The following IMMP2L variants were observed in gnomAD, a reference collection of about 807,000 sequenced individuals.
IMMP2L encodes the protein inner mitochondrial membrane peptidase subunit 2.
A neutral mutation model predicts 19.3 loss-of-function variants in IMMP2L; 18 were observed. The ratio of observed to expected loss-of-function variants is 0.93; its 90% CI spans 0.64 to 1.38. The LOEUF (loss-of-function observed/expected upper bound fraction) is 1.38. Ranked by LOEUF, IMMP2L falls within the 40% of genes most tolerant of loss-of-function variation. IMMP2L has a pLI of 0.00. For missense variants in IMMP2L, 233 were observed against 218.2 expected (o/e 1.07, Z -0.43); for synonymous variants, 76 against 73.0 (o/e 1.04, Z -0.21).
chr7:111,174,626 A>G (rs1045499129), intron 3 of IMMP2L, among the ~76,000 whole-genome samples: 5 of 151,776 alleles, frequency 3.3e-5, no homozygotes, highest in African/African-American at 9.7e-5. Context: ...CTATTACCGT[A>G]TGAAAAACTA....
intron 2 of IMMP2L, among the ~76,000 whole-genome samples, chr7:111,514,575 T>A (rs189411496): frequency 1.3e-5 from 2 of 152,216 alleles, no homozygotes; most frequent in East Asian, 3.9e-4. Flanking sequence ...CCAGTTTACC[T>A]CAGTAAAGCT....
intron 3 of IMMP2L, among the ~76,000 whole-genome samples, chr7:110,967,338 C>T: frequency 6.6e-6 from 1 of 151,876 alleles, no homozygotes; most frequent in East Asian, 1.9e-4. Flanking sequence ...CTCAAGAGAC[C>T]CCTCTAGTAT....
chr7:110,980,174 G>T (rs1821119738), intron 3 of IMMP2L, among the ~76,000 whole-genome samples: 1 of 147,752 alleles, frequency 6.8e-6, no homozygotes, highest in African/African-American at 2.5e-5. Flanking sequence ...ACCACTCCCT[G>T]CTTTGAACTC....
At chr7:111,162,411 C>G (rs547806604) in intron 3 of IMMP2L, among the ~76,000 whole-genome samples, 4 of 151,792 alleles carry the variant, frequency 2.6e-5, no homozygotes, top group African/African-American at 9.7e-5. Flanking sequence ...AGAAGTCTGG[C>G]AAGATTAAAA....
intron 3 of IMMP2L, among the ~76,000 whole-genome samples, chr7:111,318,231 G>A (rs994775270): frequency 1.3e-5 from 2 of 152,152 alleles, no homozygotes; most frequent in African/African-American, 4.8e-5. Flanking sequence ...ATGAAAGGGT[G>A]ATTGATTCTC....
At chr7:110,927,868 C>T (rs1469917331) in intron 4 of IMMP2L, among the ~76,000 whole-genome samples, 1 of 152,070 alleles carries the variant, frequency 6.6e-6, no homozygotes, top group African/African-American at 2.4e-5. Context: ...CTTTCTTACA[C>T]ATTATTTTAT....
At chr7:111,236,587 C>G (rs1217826965) in intron 3 of IMMP2L, among the ~76,000 whole-genome samples, 1 of 152,134 alleles carries the variant, frequency 6.6e-6, no homozygotes, top group Non-Finnish European at 1.5e-5. Context: ...TCCCCACATA[C>G]TGATGGGTCC....
intron 3 of IMMP2L, among the ~76,000 whole-genome samples, chr7:111,090,737 G>A (rs1022965456): frequency 3.9e-5 from 6 of 152,082 alleles, no homozygotes; most frequent in Admixed American, 1.3e-4. Context: ...AGTCATTGCT[G>A]AACTTCAGAG....
intron 3 of IMMP2L, among the ~76,000 whole-genome samples, chr7:111,266,608 T>C (rs192416174): frequency 5.3e-4 from 80 of 151,862 alleles, no homozygotes; most frequent in Non-Finnish European, 1.0e-3. Flanking sequence ...AACATCAGTT[T>C]AGGCAAGTTA....
rs893280631 is a variant in IMMP2L, at chr7:110,807,357, G to A, written c.408+79236C>T. 7.9e-5 allele frequency among the ~76,000 whole-genome samples: 12 copies of A among 152,052 alleles called. 1 individual carries two copies. Among genetic ancestry groups the A allele is most frequent in the African/African-American group, 2.6e-4 (11 of 41,540 alleles). On this transcript the variant is annotated intron_variant, in intron 5 of 5. Coordinates refer to ENST00000405709, the MANE Select transcript of IMMP2L (RefSeq NM_032549.4). ...CCATTAAAAAACCTAGTTTGAAAGCGTGTCTGAATTTTCTGATGTGTGTTA... is the reference window on the plus strand; with the variant it reads ...CCATTAAAAAACCTAGTTTGAAAGCATGTCTGAATTTTCTGATGTGTGTTA...
chr7:111,128,831 A>G (rs1801570190), intron 3 of IMMP2L, among the ~76,000 whole-genome samples: 2 of 152,254 alleles, frequency 1.3e-5, no homozygotes, highest in South Asian at 2.1e-4. Flanking sequence ...CTCAAAAAAA[A>G]GAGGCATATT....
chr7:110,998,085 C>A (rs1474911412), intron 3 of IMMP2L, among the ~76,000 whole-genome samples: 1 of 152,074 alleles, frequency 6.6e-6, no homozygotes, highest in Non-Finnish European at 1.5e-5. Context: ...GACTATATAT[C>A]TCATACCCAA....
chr7:111,226,242 C>T (rs893421179), intron 3 of IMMP2L, among the ~76,000 whole-genome samples: 27 of 152,154 alleles, frequency 1.8e-4, no homozygotes, highest in African/African-American at 6.3e-4. Flanking sequence ...CAGTCTCGAC[C>T]TCCCAGATTC....
chr7:111,308,611 T>C (rs1823149752), intron 3 of IMMP2L, among the ~76,000 whole-genome samples: 1 of 151,990 alleles, frequency 6.6e-6, no homozygotes, highest in Admixed American at 6.6e-5. Context: ...TGGCCAATCT[T>C]ACTTTAATGG....
At chr7:111,325,849 A>G (rs566772698) in intron 3 of IMMP2L, among the ~76,000 whole-genome samples, 1 of 151,752 alleles carries the variant, frequency 6.6e-6, no homozygotes. Flanking sequence ...GGCATCTCAC[A>G]GTTGATTCAT....
intron 3 of IMMP2L, among the ~76,000 whole-genome samples, chr7:111,318,199 A>G (rs890230426): frequency 6.6e-6 from 1 of 152,184 alleles, no homozygotes; most frequent in African/African-American, 2.4e-5. Context: ...GGGGCCTTTA[A>G]GGAGCCCAAA....
chr7:111,386,006 G>A (rs1013600126), intron 3 of IMMP2L, among the ~76,000 whole-genome samples: 2 of 151,384 alleles, frequency 1.3e-5, no homozygotes, highest in African/African-American at 2.4e-5. Context: ...TAAGCCTCCC[G>A]AGTAGCTAGG....
intron 3 of IMMP2L, among the ~76,000 whole-genome samples, chr7:111,033,364 TG>T (rs1791025792): frequency 6.6e-6 from 1 of 152,110 alleles, no homozygotes. Flanking sequence ...TCTCACTCAT[TG>T]CTGGTGGGAA....
chr7:111,388,104 C>T (rs1246182958), intron 3 of IMMP2L, among the ~76,000 whole-genome samples: 1 of 151,726 alleles, frequency 6.6e-6, no homozygotes, highest in Non-Finnish European at 1.5e-5. Context: ...CCACACAGCC[C>T]TTTATATCTA....
Sources: gnomAD v4.1 joint callset for allele counts (sites outside exome capture counted in the v4.1 genomes callset) on GRCh38, gnomAD v4.1.1 for gene constraint, MANE v1.5 for transcripts, NCBI Gene and HGNC (gene_info 2026-07-23, HGNC 2026-07-21) for gene names.